The following BASP1 variants were observed in gnomAD, a reference collection of about 807,000 sequenced individuals.
The protein encoded by BASP1 is brain abundant membrane attached signal protein 1, also known as brain acid soluble protein 1.
In BASP1, 1 loss-of-function variant was observed where a neutral mutation model predicts 2.2. That is an observed-to-expected ratio of 0.46 (90% CI 0.16 to 2.17). The LOEUF (loss-of-function observed/expected upper bound fraction) is 2.17, where lower values mean the gene tolerates loss of function less well. BASP1 is among the 30% of genes most tolerant of loss of function. BASP1 has a pLI of 0.27. For missense variants in BASP1, 352 were observed against 327.2 expected (o/e 1.08, Z -0.58); for synonymous variants, 187 against 154.2 (o/e 1.21, Z -1.58).
intron 1 of BASP1, among the ~76,000 whole-genome samples, chr5:17,272,085 AAAAG>A (rs1005119180): frequency 1.2e-4 from 19 of 152,028 alleles, no homozygotes; most frequent in South Asian, 4.1e-4. Context: ...AAAAAAAAAA[AAAAG>A]AAAGAAAAGA....
chr5:17,248,816 G>A (rs1158676541), intron 1 of BASP1, among the ~76,000 whole-genome samples: 1 of 152,168 alleles, frequency 6.6e-6, no homozygotes, highest in Non-Finnish European at 1.5e-5. Flanking sequence ...TGTGCTTGTT[G>A]ATAATTTAAA....
intron 1 of BASP1, among the ~76,000 whole-genome samples, chr5:17,232,668 A>C (rs1234562689): frequency 2.6e-5 from 4 of 152,200 alleles, no homozygotes; most frequent in Non-Finnish European, 4.4e-5. Flanking sequence ...TTTCACATCC[A>C]GGAACCAGCT....
At chr5:17,239,553 A>G (rs1241461549) in intron 1 of BASP1, among the ~76,000 whole-genome samples, 1 of 152,144 alleles carries the variant, frequency 6.6e-6, no homozygotes, top group Admixed American at 6.5e-5. Context: ...CGTTGACCCC[A>G]CACTCACCCT....
At chr5:17,222,924 A>G (rs868684802) in intron 1 of BASP1, among the ~76,000 whole-genome samples, 7 of 152,204 alleles carry the variant, frequency 4.6e-5, no homozygotes, top group African/African-American at 1.4e-4. Flanking sequence ...CCCAGGGCAT[A>G]AGGAAACACT....
intron 1 of BASP1, among the ~76,000 whole-genome samples, chr5:17,261,386 A>T (rs905600752): frequency 8.5e-5 from 13 of 152,228 alleles, no homozygotes; most frequent in Non-Finnish European, 1.8e-4. Context: ...CCCAGTACTT[A>T]AGAAATCCTA....
At chr5:17,222,898 G>T (rs1040461648) in intron 1 of BASP1, among the ~76,000 whole-genome samples, 2 of 152,132 alleles carry the variant, frequency 1.3e-5, no homozygotes, top group Non-Finnish European at 2.9e-5. Context: ...GAAACCATCT[G>T]CAAGCACCAC....
At chr5:17,225,665 G>C (rs116799091) in intron 1 of BASP1, among the ~76,000 whole-genome samples, 1 of 152,154 alleles carries the variant, frequency 6.6e-6, no homozygotes. Flanking sequence ...TAGAGCAAGC[G>C]GAGCAGTCAG....
At chr5:17,229,803 T>G (rs1235643009) in intron 1 of BASP1, among the ~76,000 whole-genome samples, 19 of 114,250 alleles carry the variant, frequency 1.7e-4, no homozygotes, top group Non-Finnish European at 2.8e-4. Context: ...TTTTTTTTTT[T>G]GATGGAGTCT....
intron 1 of BASP1, among the ~76,000 whole-genome samples, chr5:17,265,902 G>A (rs576695726): frequency 3.9e-5 from 6 of 152,310 alleles, no homozygotes; most frequent in East Asian, 3.9e-4. Flanking sequence ...TGACCCATGC[G>A]TTTTCACTTG....
intron 1 of BASP1, among the ~76,000 whole-genome samples, chr5:17,235,427 A>ATTT (rs529030792): frequency 6.6e-6 from 1 of 151,248 alleles, no homozygotes; most frequent in South Asian, 2.1e-4. Flanking sequence ...GGCCGGGCTA[A>ATTT]TTTTTTTTGT....
intron 1 of BASP1, among the ~76,000 whole-genome samples, chr5:17,234,955 GATTAC>G (rs766862385): frequency 7.9e-5 from 12 of 152,100 alleles, no homozygotes; most frequent in Non-Finnish European, 1.2e-4. Context: ...ATTCAGCATC[GATTAC>G]ATTTAGTTTA....
At chr5:17,227,907 C>T (rs1042024648) in intron 1 of BASP1, among the ~76,000 whole-genome samples, 1 of 152,202 alleles carries the variant, frequency 6.6e-6, no homozygotes, top group African/African-American at 2.4e-5. Context: ...TCCCAAGGCT[C>T]ACCCAACTGG....
chr5:17,263,090 G>A (rs955220390), intron 1 of BASP1, among the ~76,000 whole-genome samples: 6 of 152,024 alleles, frequency 3.9e-5, no homozygotes, highest in Admixed American at 1.3e-4. Context: ...CTCATGATCC[G>A]CCCGCCTTGG....
chr5:17,270,959 A>G lies in BASP1; in HGVS notation c.-9-4249A>G, dbSNP rs191678012. 2.0e-4 allele frequency among the ~76,000 whole-genome samples: 30 copies of G among 152,270 alleles called. No homozygotes were observed. The East Asian group carries it at 5.6e-3, about 28-fold the overall frequency. On this transcript the variant is annotated intron_variant, in intron 1 of 1. Transcript: ENST00000322611. ...ATACTCTGCCATGACCCAATGTGCAAAGTCTCCTTGAAATTCAATTCTTGT... is the reference window on the plus strand; with the variant it reads ...ATACTCTGCCATGACCCAATGTGCAGAGTCTCCTTGAAATTCAATTCTTGT...
At chr5:17,229,154 C>T (rs1561165142) in intron 1 of BASP1, among the ~76,000 whole-genome samples, 1 of 152,194 alleles carries the variant, frequency 6.6e-6, no homozygotes, top group Non-Finnish European at 1.5e-5. Flanking sequence ...CACTAACGTG[C>T]ACTGTGGTTA....
rs183438201 is a variant in BASP1 at position 17,243,713 on chromosome 5, T to G, written c.-10+25903T>G. On this transcript the variant is annotated intron_variant, in intron 1 of 1. Coordinates refer to ENST00000322611, the MANE Select transcript of BASP1 (RefSeq NM_006317.5). ...ATTGTGTCTCACCATATGATCTTGT[T>G]GTTGGTGAACTTGTCTTATTTATGT... Among the ~76,000 whole-genome samples, 43 of 152,358 alleles carry G rather than the reference T, an allele frequency of 2.8e-4. No homozygotes were observed. In the East Asian group the frequency reaches 7.3e-3, roughly 26 times the overall value.
At chr5:17,218,632 A>G (rs935601605) in intron 1 of BASP1, among the ~76,000 whole-genome samples, 3 of 151,758 alleles carry the variant, frequency 2.0e-5, no homozygotes, top group Non-Finnish European at 2.9e-5. Context: ...TGAACCTGAC[A>G]GCGCGCGGCC....
intron 1 of BASP1, among the ~76,000 whole-genome samples, chr5:17,239,081 C>T (rs1739806528): frequency 6.6e-6 from 1 of 151,954 alleles, no homozygotes; most frequent in African/African-American, 2.4e-5. Context: ...AATCTTACAT[C>T]CTGTCTTCAG....
upstream of BASP1, chr5:17,216,917 C>T (rs1254279171): frequency 6.6e-6 from 1 of 152,582 alleles, no homozygotes; most frequent in African/African-American, 2.4e-5. This position sits in a 1 kb window ranked among gnomAD's most constrained non-coding sequence, Gnocchi z 6.4. Context: ...TCGTAGTCGA[C>T]GTCGGGAGCG....
Sources: gnomAD v4.1 joint callset for allele counts (sites outside exome capture counted in the v4.1 genomes callset) on GRCh38, gnomAD v4.1.1 for gene constraint, Gnocchi (gnomAD v3.1) non-coding constraint, MANE v1.5 for transcripts, NCBI Gene and HGNC (gene_info 2026-07-23, HGNC 2026-07-21) for gene names.